The following PBX1 variants were observed in gnomAD, a reference collection of about 807,000 sequenced individuals.
The protein encoded by PBX1 is pre-B-cell leukemia transcription factor 1.
In PBX1, 6 loss-of-function variants were observed where a neutral mutation model predicts 53.4. The ratio of observed to expected loss-of-function variants is 0.11; its 90% CI spans 0.06 to 0.22. The LOEUF is 0.22. Ranked by LOEUF, PBX1 falls within the 10% of genes least tolerant of loss-of-function variation. The pLI, the probability that PBX1 is intolerant of heterozygous loss-of-function variation, is 1.00. For missense variants in PBX1, 251 were observed against 551.4 expected, an observed-to-expected ratio of 0.46 and a Z score of 5.46; for synonymous variants, 204 against 212.3, an observed-to-expected ratio of 0.96 and a Z score of 0.34.
At chr1:164,667,603 A>G (rs1660879114) in intron 2 of PBX1, among the ~76,000 whole-genome samples, 1 of 152,190 alleles carries the variant, frequency 6.6e-6, no homozygotes, top group Non-Finnish European at 1.5e-5. Flanking sequence ...CATAATTTAA[A>G]TAGTTTCACA....
intron 2 of PBX1, among the ~76,000 whole-genome samples, chr1:164,858,478 C>CACAA (rs937615242): frequency 3.3e-5 from 5 of 149,284 alleles, no homozygotes; most frequent in African/African-American, 1.2e-4. Context: ...CACACACACA[C>CACAA]GCTGTGGCTG....
chr1:164,628,509 T>C (rs12405219), intron 2 of PBX1, among the ~76,000 whole-genome samples: 9,496 of 152,284 alleles, frequency 0.062, 827 homozygotes, highest in East Asian at 0.38. Flanking sequence ...TTGCACTCCC[T>C]GTGAAACCAT....
chr1:164,760,580 A>T lies in PBX1; in HGVS notation c.266-31914A>T, dbSNP rs930244904. Among the ~76,000 whole-genome samples the T allele has an allele frequency of 2.8e-4, 43 of 152,122 alleles. 1 individual carries two copies. Among genetic ancestry groups the T allele is most frequent in the Admixed American group, 2.4e-3 (36 of 15,274 alleles). On this transcript the variant is annotated intron_variant, in intron 2 of 8. Transcript: ENST00000420696. ...CCCCCCAAAACAACAACAATAAAAA[A>T]CAAAACAAAATTTTACAACTTTCTT...
At chr1:164,767,479 G>A (rs987768760) in intron 2 of PBX1, among the ~76,000 whole-genome samples, 1 of 152,100 alleles carries the variant, frequency 6.6e-6, no homozygotes, top group Non-Finnish European at 1.5e-5. Context: ...GGAGTGGACA[G>A]GATATGGATT....
intron 2 of PBX1, among the ~76,000 whole-genome samples, chr1:164,570,425 T>C (rs1653765701): frequency 6.6e-6 from 1 of 152,160 alleles, no homozygotes; most frequent in East Asian, 1.9e-4. Context: ...GCTCTCATTG[T>C]CCAACTCCCA....
Position 164,848,274 on chromosome 1 carries a change from A to G in PBX1, c.*1598A>G. ...CCTGAGCTCACCATCTTCATAGCCAACCCTACCAGTTATAAAGATGGCAGC... is the reference window on the plus strand; with the variant it reads ...CCTGAGCTCACCATCTTCATAGCCAGCCCTACCAGTTATAAAGATGGCAGC... On this transcript the variant is annotated 3_prime_UTR_variant, in exon 9 of 9. Transcript: ENST00000420696. The G allele has an allele frequency of 7.6e-6, 8 of 1,056,180 alleles. No homozygotes were observed. The highest frequency in any genetic ancestry group is 9.2e-6 in the Non-Finnish European group (8 of 873,630). 65.4% of individuals were successfully genotyped at this position (1,056,180 alleles called of 1,614,324 possible). A position where few individuals can be genotyped will look rare whatever the true frequency, so the allele number is the denominator to read the frequency against.
At chr1:164,659,250 C>A (rs1660347282) in intron 2 of PBX1, among the ~76,000 whole-genome samples, 1 of 152,206 alleles carries the variant, frequency 6.6e-6, no homozygotes, top group African/African-American at 2.4e-5. Flanking sequence ...CGATTCACAT[C>A]TCAGCTGGAG....
intron 2 of PBX1, among the ~76,000 whole-genome samples, chr1:164,742,007 G>A (rs930717884): frequency 8.5e-5 from 13 of 152,106 alleles, no homozygotes; most frequent in African/African-American, 2.9e-4. Context: ...GAGAGTCGTA[G>A]TTTTCATGGG....
chr1:164,689,540 A>AT (rs1662337534), intron 2 of PBX1, among the ~76,000 whole-genome samples: 1 of 152,154 alleles, frequency 6.6e-6, no homozygotes, highest in African/African-American at 2.4e-5. Flanking sequence ...GTGAAAAGAA[A>AT]TTTTTTTAAT....
chr1:164,659,093 T>C (rs1660337606), intron 2 of PBX1, among the ~76,000 whole-genome samples: 1 of 151,736 alleles, frequency 6.6e-6, no homozygotes, highest in Admixed American at 6.5e-5. Context: ...GCTGATTCAT[T>C]CATCATCTCT....
intron 2 of PBX1, among the ~76,000 whole-genome samples, chr1:164,752,483 G>T (rs1031783406): frequency 6.6e-6 from 1 of 152,008 alleles, no homozygotes; most frequent in African/African-American, 2.4e-5. Context: ...GGAGGGGATT[G>T]TTAATTAAGC....
chr1:164,841,365 G>A (rs1326263534), intron 8 of PBX1, among the ~76,000 whole-genome samples: 1 of 152,180 alleles, frequency 6.6e-6, no homozygotes, highest in Non-Finnish European at 1.5e-5. Context: ...GATAGGGGAA[G>A]TAAGCAAGAT....
At chr1:164,764,211 A>G (rs1313846778) in intron 2 of PBX1, among the ~76,000 whole-genome samples, 3 of 152,190 alleles carry the variant, frequency 2.0e-5, no homozygotes, top group Non-Finnish European at 4.4e-5. Context: ...GTTGCCCTAA[A>G]GGCTTTAGGA....
intron 2 of PBX1, among the ~76,000 whole-genome samples, chr1:164,753,406 G>A (rs1442652136): frequency 6.6e-6 from 1 of 151,986 alleles, no homozygotes; most frequent in African/African-American, 2.4e-5. Flanking sequence ...AATTCTCCTT[G>A]TTATCTTATT....
intron 2 of PBX1, among the ~76,000 whole-genome samples, chr1:164,633,080 C>T (rs1658511559): frequency 6.6e-6 from 1 of 152,116 alleles, no homozygotes; most frequent in South Asian, 2.1e-4. Context: ...ATAACATCCT[C>T]AATGTAGAAT....
intron 2 of PBX1, among the ~76,000 whole-genome samples, chr1:164,591,860 T>C (rs1361106480): frequency 2.6e-5 from 4 of 152,204 alleles, no homozygotes; most frequent in Non-Finnish European, 5.9e-5. Flanking sequence ...CTGTATTTCC[T>C]TGGATTCTTG....
At chr1:164,767,639 G>A (rs1354875849) in intron 2 of PBX1, among the ~76,000 whole-genome samples, 2 of 150,396 alleles carry the variant, frequency 1.3e-5, no homozygotes, top group East Asian at 3.9e-4. Flanking sequence ...GTGGGAGGTA[G>A]TACAAACATC....
intron 8 of PBX1, among the ~76,000 whole-genome samples, chr1:164,824,331 A>G (rs1158057311): frequency 6.6e-6 from 1 of 152,118 alleles, no homozygotes; most frequent in Non-Finnish European, 1.5e-5. Context: ...AGTCCTAGTA[A>G]CTCATGTGCC....
chr1:164,701,784 C>T (rs1212679591), intron 2 of PBX1, among the ~76,000 whole-genome samples: 1 of 151,862 alleles, frequency 6.6e-6, no homozygotes, highest in Non-Finnish European at 1.5e-5. Flanking sequence ...TTTGACCGAG[C>T]TCTGTACTTA....
Sources: gnomAD v4.1 joint callset for allele counts (sites outside exome capture counted in the v4.1 genomes callset) on GRCh38, gnomAD v4.1.1 for gene constraint, MANE v1.5 for transcripts, NCBI Gene and HGNC (gene_info 2026-07-23, HGNC 2026-07-21) for gene names.